MAF: variants seen among roughly 807,000 people sequenced by gnomAD.
MAF encodes MAF bZIP transcription factor, also known as transcription factor Maf.
MAF carries 10 observed loss-of-function variants against 22.0 expected under a neutral mutation model. The ratio of observed to expected loss-of-function variants is 0.45; its 90% CI spans 0.28 to 0.77. The LOEUF is 0.77. Ranked by LOEUF, MAF falls within the 30% of genes least tolerant of loss-of-function variation. The pLI is 0.12. For synonymous variants in MAF, 337 were observed against 255.8 expected, an observed-to-expected ratio of 1.32 and a Z score of -3.03; for missense variants, 544 against 548.4, an observed-to-expected ratio of 0.99 and a Z score of 0.08.
At chr16:79,204,410 T>C in the MAF span, 1 of 152,160 alleles carries the variant, frequency 6.6e-6, no homozygotes, top group South Asian at 2.1e-4. Context: ...CTTCCCTCGT[T>C]AGGAGTACCC....
the MAF span, among the ~76,000 whole-genome samples, chr16:79,482,835 C>T: frequency 2.2e-5 from 3 of 137,050 alleles, no homozygotes; most frequent in African/African-American, 8.7e-5. Flanking sequence ...CATCATACCC[C>T]CCTCCATCCC....
chr16:79,392,351 G>GAGAGAGGGA, the MAF span, among the ~76,000 whole-genome samples: 1 of 149,870 alleles, frequency 6.7e-6, no homozygotes, highest in Non-Finnish European at 1.5e-5. Flanking sequence ...GAAGGAAGGA[G>GAGAGAGGGA]GGAGGAAGGG....
chr16:79,474,337 C>A, the MAF span, among the ~76,000 whole-genome samples: 1 of 152,214 alleles, frequency 6.6e-6, no homozygotes, highest in East Asian at 1.9e-4. Context: ...ATCTCCCCTG[C>A]AAAGGGCAGA....
the MAF span, among the ~76,000 whole-genome samples, chr16:79,439,665 A>C: frequency 2.0e-5 from 3 of 152,212 alleles, no homozygotes; most frequent in Admixed American, 1.3e-4. Flanking sequence ...CATTGGATGG[A>C]AAGATGCAAA....
chr16:79,247,477 C>G, the MAF span, among the ~76,000 whole-genome samples: 1 of 152,312 alleles, frequency 6.6e-6, no homozygotes, highest in East Asian at 1.9e-4. Context: ...TTGAATCCAG[C>G]CTGATTCAGT....
At chr16:79,340,899 T>C in the MAF span, among the ~76,000 whole-genome samples, 1 of 152,170 alleles carries the variant, frequency 6.6e-6, no homozygotes, top group African/African-American at 2.4e-5. Flanking sequence ...TAAGTGGGTA[T>C]GATACACATT....
At chr16:79,500,482 T>C in the MAF span, among the ~76,000 whole-genome samples, 1 of 152,114 alleles carries the variant, frequency 6.6e-6, no homozygotes, top group Non-Finnish European at 1.5e-5. Context: ...ACCCCAGTAG[T>C]TGCTTGTCAT....
chr16:79,241,750 C>A, the MAF span, among the ~76,000 whole-genome samples: 1 of 151,824 alleles, frequency 6.6e-6, no homozygotes, highest in Non-Finnish European at 1.5e-5. Flanking sequence ...ATCAGATTCA[C>A]CAAGGTTGAA....
chr16:79,302,868 T>A, the MAF span, among the ~76,000 whole-genome samples: 7 of 152,336 alleles, frequency 4.6e-5, no homozygotes, highest in African/African-American at 1.7e-4. Flanking sequence ...AAATAGTCAA[T>A]CTGTTTGTCT....
chr16:79,383,079 C>T, the MAF span, among the ~76,000 whole-genome samples: 6 of 152,246 alleles, frequency 3.9e-5, no homozygotes, highest in Non-Finnish European at 7.3e-5. Context: ...CTCAGTATAT[C>T]ATTTGCATGG....
At chr16:79,563,764 A>AC in the MAF span, among the ~76,000 whole-genome samples, 234 of 123,750 alleles carry the variant, frequency 1.9e-3, no homozygotes, top group African/African-American at 6.3e-3. Flanking sequence ...CACACACACA[A>AC]ACACACACAC....
chr16:79,366,535 T>C, the MAF span, among the ~76,000 whole-genome samples: 1 of 152,104 alleles, frequency 6.6e-6, no homozygotes, highest in Non-Finnish European at 1.5e-5. Context: ...AGACACATGA[T>C]GAGATAGTTC....
the MAF span, among the ~76,000 whole-genome samples, chr16:79,539,634 A>C: frequency 1.3e-5 from 2 of 152,262 alleles, no homozygotes; most frequent in African/African-American, 2.4e-5. Flanking sequence ...TGTTCAATAT[A>C]GTGTTATCTA....
chr16:79,345,219 G>C, the MAF span, among the ~76,000 whole-genome samples: 1 of 151,994 alleles, frequency 6.6e-6, no homozygotes, highest in African/African-American at 2.4e-5. Flanking sequence ...TACTTGATCT[G>C]ATTATAATAT....
At chr16:79,335,883 A>G in the MAF span, among the ~76,000 whole-genome samples, 1 of 152,138 alleles carries the variant, frequency 6.6e-6, no homozygotes, top group Non-Finnish European at 1.5e-5. Flanking sequence ...GTGAGGTTGG[A>G]CCTGCCAGGG....
At chr16:79,339,081 T>C in the MAF span, among the ~76,000 whole-genome samples, 10 of 152,078 alleles carry the variant, frequency 6.6e-5, no homozygotes, top group Non-Finnish European at 1.3e-4. Context: ...AATTTATTTT[T>C]TATTTTTTGA....
At chr16:79,517,455 T>A in the MAF span, among the ~76,000 whole-genome samples, 1 of 152,222 alleles carries the variant, frequency 6.6e-6, no homozygotes, top group African/African-American at 2.4e-5. Flanking sequence ...TTCTCAATAA[T>A]TTAAACAACA....
At chr16:79,396,277 G>A in the MAF span, among the ~76,000 whole-genome samples, 3 of 152,188 alleles carry the variant, frequency 2.0e-5, no homozygotes, top group South Asian at 6.2e-4. Flanking sequence ...CATGGACCAA[G>A]CCTTGTGAGT....
the MAF span, among the ~76,000 whole-genome samples, chr16:79,275,938 G>A: frequency 1.3e-5 from 2 of 152,118 alleles, no homozygotes; most frequent in Non-Finnish European, 2.9e-5. Flanking sequence ...TCAGGAGATC[G>A]AGACCGTCCT....
Sources: allele counts gnomAD v4.1 joint callset (sites outside exome capture counted in the v4.1 genomes callset), GRCh38; gene constraint gnomAD v4.1.1; transcripts MANE v1.5; gene names NCBI Gene and HGNC (gene_info 2026-07-23, HGNC 2026-07-21).